Variants in RAB27B observed in about 807,000 individuals in gnomAD.
RAB27B encodes RAB27B, member RAS oncogene family.
RAB27B carries 15 observed loss-of-function variants against 24.6 expected under a neutral mutation model. That is an observed-to-expected ratio of 0.61 (90% CI 0.41 to 0.94). The LOEUF (loss-of-function observed/expected upper bound fraction) is 0.94. Ranked by LOEUF, RAB27B falls within the 40% of genes least tolerant of loss-of-function variation. The pLI is 0.00. For missense variants in RAB27B, 261 were observed against 266.8 expected (o/e 0.98, Z 0.15); for synonymous variants, 105 against 92.5 (o/e 1.14, Z -0.78).
intron 2 of RAB27B, among the ~76,000 whole-genome samples, chr18:54,757,389 A>C (rs537566723): frequency 6.6e-6 from 1 of 152,226 alleles, no homozygotes; most frequent in Non-Finnish European, 1.5e-5. Flanking sequence ...TTGGACATCA[A>C]TTAGAAGACT....
intron 2 of RAB27B, among the ~76,000 whole-genome samples, chr18:54,738,892 T>C (rs1019385043): frequency 2.0e-5 from 3 of 152,326 alleles, no homozygotes; most frequent in African/African-American, 7.2e-5. Flanking sequence ...TATCTCTGTG[T>C]AACTATGGGT....
In RAB27B at chr18:54,786,551, G is replaced by A. The variant is rs991160641; in HGVS notation, c.-20+68410G>A. Among the ~76,000 whole-genome samples the A allele has an allele frequency of 5.3e-5, 8 of 152,142 alleles. No homozygotes were observed. In the South Asian group the frequency reaches 1.0e-3, roughly 20 times the overall value. On this transcript the variant is annotated intron_variant, in intron 2 of 4. Coordinates refer to the RAB27B transcript ENST00000586570. ...ATGTCTTTCAATACTTAATTAAATA[G>A]CATTTAACTCTAGACACATATTTTG...
intron 2 of RAB27B, among the ~76,000 whole-genome samples, chr18:54,771,943 A>G (rs1908564877): frequency 6.6e-6 from 1 of 152,220 alleles, no homozygotes; most frequent in African/African-American, 2.4e-5. Context: ...AGAAAAATAT[A>G]TCATCTCTAT....
intron 2 of RAB27B, among the ~76,000 whole-genome samples, chr18:54,778,133 T>C (rs1295584610): frequency 2.6e-5 from 4 of 152,254 alleles, no homozygotes; most frequent in Non-Finnish European, 1.5e-5. Flanking sequence ...CAATAAGTCA[T>C]GTCTCCTTTC....
intron 1 of RAB27B, among the ~76,000 whole-genome samples, chr18:54,862,623 C>A (rs1317820382): frequency 6.6e-6 from 1 of 152,192 alleles, no homozygotes; most frequent in South Asian, 2.1e-4. Context: ...CCAAGACCTA[C>A]CTGCCTGAAG....
chr18:54,875,574 C>T (rs1256562981), intron 1 of RAB27B, among the ~76,000 whole-genome samples: 2 of 150,130 alleles, frequency 1.3e-5, no homozygotes, highest in Non-Finnish European at 3.0e-5. Flanking sequence ...CCATGGTCAG[C>T]AAAAATCCAT....
chr18:54,748,496 A>T (rs890375930), intron 2 of RAB27B, among the ~76,000 whole-genome samples: 2 of 152,180 alleles, frequency 1.3e-5, no homozygotes, highest in African/African-American at 4.8e-5. Flanking sequence ...CTTGAGTGTG[A>T]AAAAAGGCAG....
At chr18:54,796,043 G>A (rs1298761578) in intron 2 of RAB27B, among the ~76,000 whole-genome samples, 1 of 152,016 alleles carries the variant, frequency 6.6e-6, no homozygotes, top group Non-Finnish European at 1.5e-5. Flanking sequence ...CTGTCCCCAG[G>A]CAAACACTGA....
chr18:54,804,741 A>G (rs1909715356), intron 2 of RAB27B, among the ~76,000 whole-genome samples: 1 of 152,128 alleles, frequency 6.6e-6, no homozygotes, highest in African/African-American at 2.4e-5. Flanking sequence ...TTTTCAGACA[A>G]CTGGCCAAAC....
At chr18:54,785,994 C>T (rs898736697) in intron 2 of RAB27B, among the ~76,000 whole-genome samples, 19 of 152,184 alleles carry the variant, frequency 1.2e-4, no homozygotes, top group Admixed American at 2.0e-4. Context: ...TGATACTTTC[C>T]AAAACCACAT....
intron 2 of RAB27B, among the ~76,000 whole-genome samples, chr18:54,805,004 G>T (rs7243172): frequency 0.5 from 64,661 of 129,076 alleles, 16,423 homozygotes; most frequent in Middle Eastern, 0.68. Flanking sequence ...TTAGTTTTCT[G>T]TTCCTCTTTT....
chr18:54,806,454 A>C (rs907575116), intron 2 of RAB27B, among the ~76,000 whole-genome samples: 5 of 147,984 alleles, frequency 3.4e-5, no homozygotes, highest in Non-Finnish European at 7.4e-5. Flanking sequence ...AATATATGTT[A>C]TATATTTATA....
At chr18:54,881,427 CAT>C (rs1318589989) in intron 3 of RAB27B, among the ~76,000 whole-genome samples, 6 of 152,024 alleles carry the variant, frequency 3.9e-5, no homozygotes, top group African/African-American at 1.5e-4. Flanking sequence ...TAGTATGAAA[CAT>C]GTGGTAGAAA....
At chr18:54,745,143 C>G (rs533840138) in intron 2 of RAB27B, 1 of 162,998 alleles carries the variant, frequency 6.1e-6, no homozygotes, top group Admixed American at 6.4e-5. Flanking sequence ...CTCACACAGG[C>G]ATCTTACACT....
chr18:54,788,814 A>G (rs1485842528), intron 2 of RAB27B, among the ~76,000 whole-genome samples: 1 of 131,020 alleles, frequency 7.6e-6, no homozygotes, highest in African/African-American at 2.9e-5. Flanking sequence ...CTCTGCTTCC[A>G]TCCCAAAACT....
chr18:54,822,319 A>C (rs1033007929), intron 2 of RAB27B, among the ~76,000 whole-genome samples: 10 of 152,216 alleles, frequency 6.6e-5, no homozygotes, highest in Admixed American at 2.0e-4. Flanking sequence ...CCAGCAAGGA[A>C]TTTAAGATGA....
intron 2 of RAB27B, among the ~76,000 whole-genome samples, chr18:54,777,010 A>C (rs6566840): frequency 0.97 from 147,785 of 152,162 alleles, 71,927 homozygotes; most frequent in East Asian, 1. Context: ...GCACCACTGT[A>C]TTGGGCCTGG....
chr18:54,873,941 A>G (rs562512629), intron 1 of RAB27B, among the ~76,000 whole-genome samples: 1 of 152,318 alleles, frequency 6.6e-6, no homozygotes, highest in Non-Finnish European at 1.5e-5. Context: ...GTTAAATGTC[A>G]GGAAGTGTCC....
At chr18:54,780,664 G>A (rs1318552903) in intron 2 of RAB27B, among the ~76,000 whole-genome samples, 1 of 152,122 alleles carries the variant, frequency 6.6e-6, no homozygotes, top group Middle Eastern at 3.2e-3. Context: ...CCTCTTTAAA[G>A]GTCCTGTCTC....
Sources: gnomAD v4.1 joint callset for allele counts (sites outside exome capture counted in the v4.1 genomes callset) on GRCh38, gnomAD v4.1.1 for gene constraint, MANE v1.5 for transcripts, NCBI Gene and HGNC (gene_info 2026-07-23, HGNC 2026-07-21) for gene names.